KLRG1: variants seen among roughly 807,000 people sequenced by gnomAD.
KLRG1 encodes killer cell lectin-like receptor subfamily G member 1.
KLRG1 carries 16 observed loss-of-function variants against 21.8 expected under a neutral mutation model. That is an observed-to-expected ratio of 0.73 (90% confidence interval 0.50 to 1.11). The LOEUF is 1.11. Among genes scored for constraint, KLRG1 ranks in the 50% most tolerant of loss-of-function variants. The pLI, the probability that KLRG1 is intolerant of heterozygous loss-of-function variation, is 0.00. For missense variants in KLRG1, 173 were observed against 218.3 expected (o/e 0.79, Z 1.31); for synonymous variants, 69 against 75.9 (o/e 0.91, Z 0.47).
chr12:8,995,211 A>G lies in KLRG1; in HGVS notation c.280A>G (p.Lys94Glu), dbSNP rs1482737906. ...TTGTTATTATTTCTCAGTGGAGGAA[A>G]AGGACTGGAATTCTAGTCTGGAATT... is the stretch of plus-strand genomic sequence containing the variant. ...NHCYYFSVEE[K>E]DWNSSLEFCL... Residue 94 changes from lysine to glutamate, a missense_variant, in exon 3 of 5, where the codon AAG (lysine) becomes GAG (glutamate). Lys to Glu is a moderately conservative substitution (Grantham distance 56). Coordinates refer to ENST00000356986, the MANE Select transcript of KLRG1 (RefSeq NM_005810.4). 6.2e-7 allele frequency: 1 copy of G among 1,613,862 alleles called. No individual in the cohort carries two copies. The highest frequency in any genetic ancestry group is 1.3e-5 in the African/African-American group (1 of 75,028).
At chr12:9,192,408 A>G in the KLRG1 span, 6 of 1,288,554 alleles carry the variant, frequency 4.7e-6, no homozygotes, top group African/African-American at 5.9e-5. Flanking sequence ...CAACAAGAAC[A>G]CAAGGTGGCT....
At chr12:9,059,596 C>G in the KLRG1 span, among the ~76,000 whole-genome samples, 1 of 152,152 alleles carries the variant, frequency 6.6e-6, no homozygotes, top group Non-Finnish European at 1.5e-5. Context: ...GAAAAATAAG[C>G]CTCAGTGTCT....
At chr12:8,960,157 T>C (rs1226621311) in intron 1 of KLRG1, among the ~76,000 whole-genome samples, 1 of 152,130 alleles carries the variant, frequency 6.6e-6, no homozygotes, top group Non-Finnish European at 1.5e-5. Context: ...AGCCCCACAA[T>C]TCCCCCTACT....
At chr12:9,166,316 G>A in the KLRG1 span, 1 of 975,674 alleles carries the variant, frequency 1.0e-6, no homozygotes, top group Non-Finnish European at 1.5e-6. Context: ...TGTCCTAAAA[G>A]TCTTGTAGAA....
At chr12:9,174,938 C>A in the KLRG1 span, among the ~76,000 whole-genome samples, 1 of 152,158 alleles carries the variant, frequency 6.6e-6, no homozygotes, top group African/African-American at 2.4e-5. Flanking sequence ...CATTGACATT[C>A]TTCACAGAAT....
the KLRG1 span, among the ~76,000 whole-genome samples, chr12:9,096,069 T>G: frequency 2.0e-5 from 3 of 152,196 alleles, no homozygotes; most frequent in Non-Finnish European, 4.4e-5. Context: ...TTTGTGACAT[T>G]TTTTAAGTTC....
chr12:8,977,980 A>G (rs1213762399), intron 1 of KLRG1, among the ~76,000 whole-genome samples: 1 of 151,604 alleles, frequency 6.6e-6, no homozygotes, highest in African/African-American at 2.4e-5. Context: ...TGCCTCAGCC[A>G]CCTGAGTAGC....
the KLRG1 span, among the ~76,000 whole-genome samples, chr12:9,022,534 T>C: frequency 6.6e-6 from 1 of 152,146 alleles, no homozygotes. Flanking sequence ...GAGTGTCTTA[T>C]GTATGCTCAT....
At chr12:9,021,394 T>A in the KLRG1 span, among the ~76,000 whole-genome samples, 1 of 144,102 alleles carries the variant, frequency 6.9e-6, no homozygotes, top group South Asian at 2.2e-4. Flanking sequence ...TTTTAAAAAC[T>A]TTTTTACTCT....
chr12:9,169,332 C>T, the KLRG1 span: 1 of 1,188,698 alleles, frequency 8.4e-7, no homozygotes, highest in South Asian at 1.7e-5. Context: ...AATGGAGAGG[C>T]AAGGCTACAT....
upstream of KLRG1, among the ~76,000 whole-genome samples, chr12:8,986,506 T>C (rs1269342333): frequency 6.6e-6 from 1 of 152,218 alleles, no homozygotes; most frequent in Non-Finnish European, 1.5e-5. Flanking sequence ...CACTGTCATT[T>C]ATTTTGTTGT....
chr12:9,025,089 A>G, the KLRG1 span, among the ~76,000 whole-genome samples: 13 of 152,332 alleles, frequency 8.5e-5, 1 homozygote, highest in South Asian at 2.7e-3. Context: ...AAATGGCAAT[A>G]TGAAGGTCAT....
the KLRG1 span, chr12:9,104,155 C>A: frequency 7.2e-7 from 1 of 1,379,750 alleles, no homozygotes; most frequent in Non-Finnish European, 9.9e-7. Context: ...GAACTAGACA[C>A]AGTTTGGAAA....
chr12:9,134,265 G>A, the KLRG1 span, among the ~76,000 whole-genome samples: 2 of 152,134 alleles, frequency 1.3e-5, no homozygotes, highest in Admixed American at 1.3e-4. Context: ...TCAAGTGCTT[G>A]ACTCCGGTCT....
At chr12:9,067,928 G>T in the KLRG1 span, 5 of 1,285,770 alleles carry the variant, frequency 3.9e-6, no homozygotes, top group Non-Finnish European at 5.6e-6. Context: ...GTAGCATAGT[G>T]CCCAAGGAAA....
the KLRG1 span, chr12:9,070,637 T>C: frequency 8.3e-7 from 1 of 1,200,364 alleles, no homozygotes; most frequent in South Asian, 1.3e-5. Context: ...ATTTTCTTCT[T>C]CTATGTCCAT....
chr12:9,035,238 A>G, the KLRG1 span, among the ~76,000 whole-genome samples: 1 of 152,196 alleles, frequency 6.6e-6, no homozygotes, highest in African/African-American at 2.4e-5. Flanking sequence ...AAAATGTGGC[A>G]CATATACACC....
At chr12:9,139,687 T>G in the KLRG1 span, among the ~76,000 whole-genome samples, 1 of 152,198 alleles carries the variant, frequency 6.6e-6, no homozygotes, top group Non-Finnish European at 1.5e-5. Context: ...AAATTTCCCT[T>G]TTGGTCTCTT....
At chr12:9,096,239 C>A in the KLRG1 span, among the ~76,000 whole-genome samples, 2 of 152,188 alleles carry the variant, frequency 1.3e-5, no homozygotes, top group East Asian at 1.9e-4. Flanking sequence ...TCTAAGTACT[C>A]ATCTAAGTAC....
Sources: allele counts gnomAD v4.1 joint callset (sites outside exome capture counted in the v4.1 genomes callset), GRCh38; gene constraint gnomAD v4.1.1; transcripts MANE v1.5; gene names NCBI Gene and HGNC (gene_info 2026-07-23, HGNC 2026-07-21).